Variants in NRG1 observed in about 807,000 individuals in gnomAD.
NRG1 encodes the protein neuregulin 1.
NRG1 carries 18 observed loss-of-function variants against 63.8 expected under a neutral mutation model. The ratio of observed to expected loss-of-function variants is 0.28; its 90% CI spans 0.19 to 0.42. NRG1 has a LOEUF of 0.42. NRG1 is among the 10% of genes least tolerant of loss of function. The probability of loss-of-function intolerance (pLI) is 1.00; values close to 1 mark genes in which losing one functional copy is unlikely to be tolerated. For synonymous variants in NRG1, 302 were observed against 301.3 expected (o/e 1.00, Z -0.02); for missense variants, 762 against 814.7 (o/e 0.94, Z 0.79).
At chr8:32,395,320 C>A (rs1335958259) in intron 1 of NRG1, among the ~76,000 whole-genome samples, 1 of 152,208 alleles carries the variant, frequency 6.6e-6, no homozygotes, top group African/African-American at 2.4e-5. Context: ...TATTGCCAAA[C>A]TACTTTGCAA....
chr8:31,953,158 G>A (rs916944363), intron 1 of NRG1, among the ~76,000 whole-genome samples: 1 of 151,974 alleles, frequency 6.6e-6, no homozygotes, highest in Non-Finnish European at 1.5e-5. Context: ...AATATTTCAT[G>A]TAATTTTAAA....
intron 1 of NRG1, among the ~76,000 whole-genome samples, chr8:31,724,638 G>A (rs565894874): frequency 1.3e-5 from 2 of 152,166 alleles, no homozygotes; most frequent in Non-Finnish European, 2.9e-5. Flanking sequence ...ATACTAATTA[G>A]CATTACCAAA....
intron 1 of NRG1, among the ~76,000 whole-genome samples, chr8:32,585,318 A>G (rs1841399325): frequency 6.6e-6 from 1 of 152,192 alleles, no homozygotes; most frequent in African/African-American, 2.4e-5. Context: ...TAACCCTGTG[A>G]GTTGATTGCT....
chr8:31,866,198 A>G (rs886459600), intron 1 of NRG1, among the ~76,000 whole-genome samples: 9 of 152,176 alleles, frequency 5.9e-5, no homozygotes, highest in African/African-American at 2.2e-4. Flanking sequence ...GTTCAGTATC[A>G]TGACTTTCAT....
chr8:32,032,757 G>A (rs932028579), intron 1 of NRG1, among the ~76,000 whole-genome samples: 9 of 152,130 alleles, frequency 5.9e-5, no homozygotes, highest in South Asian at 2.1e-4. Context: ...TTCTTTTGCT[G>A]TGCAGAAGCT....
chr8:32,622,254 C>T (rs1008801742), intron 5 of NRG1, among the ~76,000 whole-genome samples: 2 of 151,934 alleles, frequency 1.3e-5, no homozygotes, highest in Non-Finnish European at 1.5e-5. Context: ...CTACTACACT[C>T]CAGCCTGGGC....
In NRG1 at chr8:32,095,092, A is replaced by C. The variant is rs1829723321; in HGVS notation, c.37+455661A>C. On this transcript the variant is annotated intron_variant, in intron 1 of 10. Transcript: ENST00000519301. Reference sequence around the variant, plus strand: ...ATGCCCAGCTAATTTTTGTATTTTTAGTAGAGACAGGGTTTCACCATGTTG... The same window carrying C: ...ATGCCCAGCTAATTTTTGTATTTTTCGTAGAGACAGGGTTTCACCATGTTG... 4.6e-5 allele frequency among the ~76,000 whole-genome samples: 7 copies of C among 152,102 alleles called. No individual in the cohort carries two copies. In the South Asian group the frequency reaches 1.5e-3, roughly 32 times the overall value.
At chr8:31,839,007 T>C (rs1347042001) in intron 1 of NRG1, among the ~76,000 whole-genome samples, 2 of 152,186 alleles carry the variant, frequency 1.3e-5, no homozygotes, top group East Asian at 3.9e-4. Flanking sequence ...CCTTGAAATG[T>C]AGTGCTGGCA....
chr8:31,689,469 G>A (rs779062349), intron 1 of NRG1, among the ~76,000 whole-genome samples: 3 of 152,148 alleles, frequency 2.0e-5, no homozygotes, highest in Non-Finnish European at 4.4e-5. Context: ...ATTTATCTAT[G>A]AGGAAGTGGC....
chr8:32,122,396 T>C (rs1833559535), intron 1 of NRG1, among the ~76,000 whole-genome samples: 1 of 151,976 alleles, frequency 6.6e-6, no homozygotes, highest in Non-Finnish European at 1.5e-5. Context: ...TAGGATTTCC[T>C]GTTTCTTTTT....
In NRG1 at chr8:32,431,872, C is replaced by A. The variant is rs770731502; in HGVS notation, c.38-163956C>A. On this transcript the variant is annotated intron_variant, in intron 1 of 10. Coordinates refer to the NRG1 transcript ENST00000519301. ...CACTGTAAACCTAAATGTGTGAACA[C>A]TATCAGTAGGGATAATATTTACCCT... 2.1e-3 allele frequency among the ~76,000 whole-genome samples: 319 copies of A among 152,114 alleles called. 1 individual carries two copies. The highest frequency in any genetic ancestry group is 3.1e-3 in the Non-Finnish European group (214 of 67,986).
chr8:32,650,095 C>T (rs1299947773), intron 5 of NRG1, among the ~76,000 whole-genome samples: 1 of 152,170 alleles, frequency 6.6e-6, no homozygotes, highest in East Asian at 1.9e-4. Context: ...AACAAAGAAA[C>T]ATCTAACACA....
At chr8:31,871,241 C>T (rs1314893306) in intron 1 of NRG1, among the ~76,000 whole-genome samples, 1 of 152,120 alleles carries the variant, frequency 6.6e-6, no homozygotes, top group Non-Finnish European at 1.5e-5. Flanking sequence ...TCCCAAAGTG[C>T]TGGGATTACA....
In NRG1 at chr8:31,661,839, G is replaced by A. The variant is rs146764329; in HGVS notation, c.37+22408G>A. ...TATTTGTTGAGTAAATGTGCTTTGA[G>A]CACTTATCATGAGCCAAACACTGGG... On this transcript the variant is annotated intron_variant, in intron 1 of 10. Transcript: ENST00000519301. Among the ~76,000 whole-genome samples, 4 of 152,316 alleles carry A rather than the reference G, an allele frequency of 2.6e-5. No individual in the cohort carries two copies. The East Asian group carries it at 7.7e-4, about 29-fold the overall frequency.
Position 32,652,331 on chromosome 8 carries a change from C to G in NRG1, c.502+35446C>G, listed in dbSNP as rs191765317. On this transcript the variant is annotated intron_variant, in intron 5 of 11. Coordinates refer to ENST00000356819, the Ensembl canonical transcript of NRG1. ...TTCCCTTTTTATTAGATCATCCATA[C>G]TTTGTTCAGCTTGCTTCTGAAAACA... Among the ~76,000 whole-genome samples, 273 of 152,254 alleles carry G rather than the reference C, an allele frequency of 1.8e-3. 1 individual carries two copies. Among genetic ancestry groups the G allele is most frequent in the African/African-American group, 6.3e-3 (260 of 41,546 alleles).
intron 1 of NRG1, among the ~76,000 whole-genome samples, chr8:31,691,594 CAAAAAAAAA>C (rs71208138): frequency 2.9e-5 from 1 of 34,986 alleles, no homozygotes; most frequent in East Asian, 8.3e-4. Context: ...GACTCTGTCT[CAAAAAAAAA>C]AAAAAAAAAA....
chr8:32,311,547 C>T (rs545400869), intron 1 of NRG1, among the ~76,000 whole-genome samples: 5 of 152,144 alleles, frequency 3.3e-5, no homozygotes, highest in Admixed American at 2.0e-4. Flanking sequence ...GACTAGTGAA[C>T]AGCATGTCCC....
intron 1 of NRG1, among the ~76,000 whole-genome samples, chr8:31,964,081 C>T (rs567617613): frequency 6.6e-6 from 1 of 152,304 alleles, no homozygotes; most frequent in South Asian, 2.1e-4. Flanking sequence ...CTCTAGACTT[C>T]TGTCATGGAT....
intron 1 of NRG1, among the ~76,000 whole-genome samples, chr8:31,766,872 T>C (rs2131548719): frequency 1.3e-5 from 2 of 152,308 alleles, no homozygotes; most frequent in Middle Eastern, 6.8e-3. Flanking sequence ...GAACGTGACA[T>C]CTCATATGTA....
Sources: allele counts gnomAD v4.1 joint callset (sites outside exome capture counted in the v4.1 genomes callset), GRCh38; gene constraint gnomAD v4.1.1; transcripts MANE v1.5; gene names NCBI Gene and HGNC (gene_info 2026-07-23, HGNC 2026-07-21).